The following PACRG variants were observed in gnomAD, a reference collection of about 807,000 sequenced individuals.
PACRG encodes the protein parkin coregulated, also known as parkin coregulated gene protein.
A neutral mutation model predicts 29.7 loss-of-function variants in PACRG; 29 were observed. The observed-to-expected ratio is 0.98, with a 90% CI of 0.73 to 1.33. The LOEUF is 1.33. Among genes scored for constraint, PACRG ranks in the 40% most tolerant of loss-of-function variants. PACRG has a pLI of 0.00. For synonymous variants in PACRG, 116 were observed against 118.7 expected (o/e 0.98, Z 0.15); for missense variants, 279 against 316.2 (o/e 0.88, Z 0.89).
intron 4 of PACRG, among the ~76,000 whole-genome samples, chr6:163,134,338 C>T (rs146416367): frequency 1.3e-5 from 2 of 152,300 alleles, no homozygotes; most frequent in Non-Finnish European, 2.9e-5. Context: ...CCCCTGCTTA[C>T]TCAGTAGGAG....
chr6:163,114,255 A>C (rs898056694), intron 4 of PACRG, among the ~76,000 whole-genome samples: 2 of 151,426 alleles, frequency 1.3e-5, no homozygotes, highest in Admixed American at 6.6e-5. Context: ...TGTCTCAAAA[A>C]CAACAACAAC....
At chr6:162,821,588 C>A (rs12529427) in intron 2 of PACRG, among the ~76,000 whole-genome samples, 10,321 of 152,178 alleles carry the variant, frequency 0.068, 468 homozygotes, top group East Asian at 0.28. Context: ...TGTCACTTAG[C>A]ACCTCATGAA....
chr6:162,937,736 T>C (rs995272349), intron 2 of PACRG, among the ~76,000 whole-genome samples: 1 of 152,172 alleles, frequency 6.6e-6, no homozygotes. Context: ...TAGTGTAATG[T>C]GGTAGCATCC....
chr6:163,020,365 A>C, intron 2 of PACRG, among the ~76,000 whole-genome samples: 1 of 152,272 alleles, frequency 6.6e-6, no homozygotes, highest in South Asian at 2.1e-4. Context: ...AAGCAAACTT[A>C]GAATTGCTGT....
intron 4 of PACRG, among the ~76,000 whole-genome samples, chr6:163,180,509 C>G (rs1779602738): frequency 6.6e-6 from 1 of 152,116 alleles, no homozygotes; most frequent in Non-Finnish European, 1.5e-5. Context: ...CACTTGTCAT[C>G]CCAGCACTTC....
chr6:162,824,276 CCCA>C (rs1788090809), intron 2 of PACRG, among the ~76,000 whole-genome samples: 1 of 152,086 alleles, frequency 6.6e-6, no homozygotes. Context: ...CCCTCCCGCC[CCCA>C]CCATCACCCT....
At chr6:162,821,329 G>T (rs1787823694) in intron 2 of PACRG, among the ~76,000 whole-genome samples, 2 of 152,202 alleles carry the variant, frequency 1.3e-5, no homozygotes, top group Non-Finnish European at 2.9e-5. Context: ...ATAACTCCTG[G>T]AAAGTGTATA....
At position 162,853,067 on chromosome 6, in the gene PACRG, G is replaced by A. The variant is rs1305333238; in HGVS notation, c.291+38786G>A. On this transcript the variant is annotated intron_variant, in intron 2 of 4. Coordinates refer to ENST00000366888, the MANE Select transcript of PACRG (RefSeq NM_001080379.2). This position sits in a 1 kb window ranked among gnomAD's most constrained non-coding sequence, Gnocchi z 4.7. ...ACAGTGAACTGTCAGGTTTGGGATGGATGAGAGATTTCCTTCTTTTGTAAA... is the reference window on the plus strand; with the variant it reads ...ACAGTGAACTGTCAGGTTTGGGATGAATGAGAGATTTCCTTCTTTTGTAAA... 3.3e-5 allele frequency among the ~76,000 whole-genome samples: 5 copies of A among 152,336 alleles called. No homozygotes were observed. The East Asian group carries it at 7.7e-4, about 24-fold the overall frequency.
intron 2 of PACRG, among the ~76,000 whole-genome samples, chr6:163,029,454 C>T (rs926362427): frequency 6.6e-6 from 1 of 152,180 alleles, no homozygotes; most frequent in Non-Finnish European, 1.5e-5. Context: ...CCATCTGTGG[C>T]AGACATTTTC....
chr6:163,291,919 G>T (rs912696259), intron 4 of PACRG, among the ~76,000 whole-genome samples: 21 of 152,084 alleles, frequency 1.4e-4, no homozygotes, highest in African/African-American at 5.1e-4. Flanking sequence ...GAAGACAATT[G>T]GCCTGAAGCC....
chr6:162,811,142 T>C (rs1403468595), intron 1 of PACRG, among the ~76,000 whole-genome samples: 2 of 152,208 alleles, frequency 1.3e-5, no homozygotes, highest in Non-Finnish European at 2.9e-5. Flanking sequence ...ACACTATTTT[T>C]CAAGTGCTAA....
At chr6:163,087,467 G>T (rs952251318) in intron 3 of PACRG, among the ~76,000 whole-genome samples, 1 of 151,684 alleles carries the variant, frequency 6.6e-6, no homozygotes, top group Admixed American at 6.6e-5. Context: ...AGGAGAGGAG[G>T]TGAGGATGGA....
chr6:162,966,599 C>T (rs1801046248), intron 2 of PACRG, among the ~76,000 whole-genome samples: 1 of 151,608 alleles, frequency 6.6e-6, no homozygotes, highest in South Asian at 2.1e-4. Context: ...GCCTCAGTCT[C>T]ATGAGCAGCT....
At position 163,172,059 on chromosome 6, in the gene PACRG, A is replaced by C. The variant is rs536841599; in HGVS notation, c.613+82651A>C. On this transcript the variant is annotated intron_variant, in intron 4 of 4. Coordinates refer to ENST00000366888, the MANE Select transcript of PACRG (RefSeq NM_001080379.2). ...GGCCCCGTAAGTGTGCAAATTACAG[A>C]ACAGGCTTCCAAACATAGAAATATC... 5.3e-5 allele frequency among the ~76,000 whole-genome samples: 8 copies of C among 152,364 alleles called. No homozygotes were observed. In the East Asian group the frequency reaches 1.2e-3, roughly 22 times the overall value.
At chr6:163,020,385 C>G (rs943175913) in intron 2 of PACRG, among the ~76,000 whole-genome samples, 2 of 152,126 alleles carry the variant, frequency 1.3e-5, no homozygotes, top group Non-Finnish European at 1.5e-5. Flanking sequence ...TTGAACTATC[C>G]TCCATTCTTT....
intron 1 of PACRG, among the ~76,000 whole-genome samples, chr6:162,754,968 T>C (rs1384567793): frequency 6.6e-6 from 1 of 152,208 alleles, no homozygotes; most frequent in Non-Finnish European, 1.5e-5. Context: ...TCAATCTCTT[T>C]ACTTACTACT....
At chr6:163,100,434 C>T (rs1363174642) in intron 4 of PACRG, among the ~76,000 whole-genome samples, 1 of 152,182 alleles carries the variant, frequency 6.6e-6, no homozygotes, top group African/African-American at 2.4e-5. Flanking sequence ...CCTGGGGACA[C>T]CTTCAGGCTG....
chr6:163,135,187 T>A (rs1585254054), intron 4 of PACRG, among the ~76,000 whole-genome samples: 1 of 81,546 alleles, frequency 1.2e-5, no homozygotes, highest in Non-Finnish European at 2.3e-5. Flanking sequence ...GTTAAGTCAT[T>A]TTTTTTTTTT....
chr6:163,121,473 G>A (rs992171019), intron 4 of PACRG, among the ~76,000 whole-genome samples: 28 of 152,052 alleles, frequency 1.8e-4, no homozygotes, highest in Non-Finnish European at 3.1e-4. Context: ...GGCTCATCTT[G>A]TAGGTTTGCA....
Sources: allele counts gnomAD v4.1 joint callset (sites outside exome capture counted in the v4.1 genomes callset), GRCh38; gene constraint gnomAD v4.1.1; non-coding constraint Gnocchi (gnomAD v3.1); transcripts MANE v1.5; gene names NCBI Gene and HGNC (gene_info 2026-07-23, HGNC 2026-07-21).